DENND5A: variants seen among roughly 807,000 people sequenced by gnomAD.
The protein encoded by DENND5A is DENN domain containing 5A.
DENND5A carries 64 observed loss-of-function variants against 140.3 expected under a neutral mutation model. That is an observed-to-expected ratio of 0.46 (90% CI 0.37 to 0.56). DENND5A has a LOEUF of 0.56. Ranked by LOEUF, DENND5A falls within the 20% of genes least tolerant of loss-of-function variation. The pLI is 0.00. For missense variants in DENND5A, 1,292 were observed against 1,593.8 expected (o/e 0.81, Z 3.22); for synonymous variants, 605 against 607.7 (o/e 1.00, Z 0.07).
At chr11:9,234,310 C>T (rs908541173) in intron 1 of DENND5A, among the ~76,000 whole-genome samples, 13 of 151,952 alleles carry the variant, frequency 8.6e-5, no homozygotes, top group East Asian at 1.9e-4. Context: ...TCTTTCCCAC[C>T]GATCCCCCCC....
chr11:9,151,961 A>C (rs1213995803), intron 13 of DENND5A, among the ~76,000 whole-genome samples: 1 of 152,206 alleles, frequency 6.6e-6, no homozygotes, highest in East Asian at 1.9e-4. Context: ...AGGAGGTCCA[A>C]GGAAGGACAC....
At chr11:9,246,088 A>G (rs990595703) in intron 1 of DENND5A, among the ~76,000 whole-genome samples, 6 of 152,176 alleles carry the variant, frequency 3.9e-5, no homozygotes, top group Admixed American at 2.6e-4. Flanking sequence ...GAAATAAAGG[A>G]AAATATGAGT....
Position 9,203,832 on chromosome 11 carries a change from G to A in DENND5A, c.777C>T (p.Ser259=). 1 of 1,614,156 alleles carries A rather than the reference G, an allele frequency of 6.2e-7. No individual in the cohort carries two copies. The change falls in exon 4 of 23, where the codon TCC becomes TCT. Residue 259 remains serine, a synonymous_variant. Transcript: ENST00000328194. ...YEVPLPPPGR[S]LKFSGVYGPI... Reference sequence around the variant, plus strand: ...GCCCATAGACCCCAGAAAACTTCAAGGACCGGCCAGGAGGTGGGAGCGGCA... The same window carrying A: ...GCCCATAGACCCCAGAAAACTTCAAAGACCGGCCAGGAGGTGGGAGCGGCA...
At chr11:9,170,486 A>T in intron 9 of DENND5A, 141 bp downstream of exon 9, 5 of 1,142,580 alleles carry the variant, frequency 4.4e-6, no homozygotes, top group Non-Finnish European at 6.2e-6. Flanking sequence ...AAATAAGCAA[A>T]CCACCTAGAT....
chr11:9,209,239 G>A (rs1232639314), intron 1 of DENND5A, among the ~76,000 whole-genome samples: 1 of 152,168 alleles, frequency 6.6e-6, no homozygotes, highest in African/African-American at 2.4e-5. Flanking sequence ...GGCGTCTATG[G>A]CCATAACCAC....
At chr11:9,197,314 AT>A (rs770537558) in intron 4 of DENND5A, among the ~76,000 whole-genome samples, 1 of 147,378 alleles carries the variant, frequency 6.8e-6, no homozygotes, top group Non-Finnish European at 1.5e-5. Context: ...CAAAAAAAAT[AT>A]ATATATATAG....
chr11:9,210,877 C>T (rs575778174), intron 1 of DENND5A, among the ~76,000 whole-genome samples: 1 of 152,176 alleles, frequency 6.6e-6, no homozygotes, highest in African/African-American at 2.4e-5. Context: ...ATATAAAGAT[C>T]TGTGAAACTA....
intron 12 of DENND5A, among the ~76,000 whole-genome samples, chr11:9,154,049 T>C (rs1323198038): frequency 2.0e-5 from 3 of 152,178 alleles, no homozygotes; most frequent in African/African-American, 7.2e-5. Context: ...AATATAAAGG[T>C]GGTATGTTTG....
At chr11:9,181,319 C>T (rs1590241817) in intron 5 of DENND5A, among the ~76,000 whole-genome samples, 1 of 152,188 alleles carries the variant, frequency 6.6e-6, no homozygotes, top group East Asian at 1.9e-4. Flanking sequence ...GATTCTATTT[C>T]CTTAGCTGTA....
At chr11:9,222,273 T>C (rs1371009622) in intron 1 of DENND5A, among the ~76,000 whole-genome samples, 1 of 144,496 alleles carries the variant, frequency 6.9e-6, no homozygotes, top group Non-Finnish European at 1.5e-5. Context: ...TTATTTATAA[T>C]ATTTCAGCAT....
intron 22 of DENND5A, chr11:9,140,268 C>T (rs1847193518): frequency 2.5e-6 from 3 of 1,222,982 alleles, no homozygotes; most frequent in Non-Finnish European, 3.2e-6. Flanking sequence ...GAGGTAGGTA[C>T]TATTATTATC....
chr11:9,254,404 A>G (rs1851860405), intron 1 of DENND5A, among the ~76,000 whole-genome samples: 1 of 152,086 alleles, frequency 6.6e-6, no homozygotes, highest in South Asian at 2.1e-4. Context: ...CTACTCTGTA[A>G]TTGTTTTCTG....
At chr11:9,146,968 G>A (rs941002837) in intron 16 of DENND5A, 62 bp downstream of exon 16, 74 of 1,568,590 alleles carry the variant, frequency 4.7e-5, no homozygotes, top group Non-Finnish European at 6.3e-5. Context: ...CAATGAGTGA[G>A]TCTCAGGCAG....
At chr11:9,169,462 TA>T (rs1286671190) in intron 10 of DENND5A, among the ~76,000 whole-genome samples, 2 of 146,176 alleles carry the variant, frequency 1.4e-5, no homozygotes, top group Non-Finnish European at 3.0e-5. Flanking sequence ...AAAAAAGAAT[TA>T]AAAAAAATTA....
intron 1 of DENND5A, among the ~76,000 whole-genome samples, chr11:9,257,936 G>C (rs1016028513): frequency 6.6e-6 from 1 of 151,778 alleles, no homozygotes; most frequent in Non-Finnish European, 1.5e-5. Context: ...GGGATTATAG[G>C]TGTGTGCCAC....
At chr11:9,214,393 C>A (rs141994064) in intron 1 of DENND5A, among the ~76,000 whole-genome samples, 1 of 152,148 alleles carries the variant, frequency 6.6e-6, no homozygotes, top group Non-Finnish European at 1.5e-5. Context: ...TGAGAATTAA[C>A]CTTATCATTA....
At chr11:9,173,830 T>A (rs1364960527) in intron 8 of DENND5A, among the ~76,000 whole-genome samples, 3 of 151,382 alleles carry the variant, frequency 2.0e-5, no homozygotes, top group African/African-American at 7.3e-5. Flanking sequence ...AAAGGCCGGG[T>A]GCAGTGGCTC....
chr11:9,148,051 C>T (rs1231636665), intron 15 of DENND5A, among the ~76,000 whole-genome samples: 2 of 152,190 alleles, frequency 1.3e-5, no homozygotes, highest in African/African-American at 2.4e-5. Context: ...GAGAGGAAAG[C>T]GCCTATCCTC....
At chr11:9,152,288 A>C (rs1847643186) in intron 13 of DENND5A, 70 bp downstream of exon 13, 3 of 1,180,116 alleles carry the variant, frequency 2.5e-6, no homozygotes, top group Non-Finnish European at 3.8e-6. Flanking sequence ...GTTTGCTTCA[A>C]AGTGATCACG....
Sources: gnomAD v4.1 joint callset for allele counts (sites outside exome capture counted in the v4.1 genomes callset) on GRCh38, gnomAD v4.1.1 for gene constraint, MANE v1.5 for transcripts, NCBI Gene and HGNC (gene_info 2026-07-23, HGNC 2026-07-21) for gene names.